Variants in RASAL2 observed in about 807,000 individuals in gnomAD.
RASAL2 encodes the protein ras GTPase-activating protein nGAP.
A neutral mutation model predicts 128.9 loss-of-function variants in RASAL2; 58 were observed. The ratio of observed to expected loss-of-function variants is 0.45; its 90% CI spans 0.36 to 0.56. The LOEUF (loss-of-function observed/expected upper bound fraction) is 0.56, where lower values mean the gene tolerates loss of function less well. Ranked by LOEUF, RASAL2 falls within the 20% of genes least tolerant of loss-of-function variation. The pLI is 0.00. For missense variants in RASAL2, 1,360 were observed against 1,601.6 expected, an observed-to-expected ratio of 0.85 and a Z score of 2.57; for synonymous variants, 561 against 580.8, an observed-to-expected ratio of 0.97 and a Z score of 0.49.
chr1:178,325,402 G>A (rs143114924), intron 3 of RASAL2, among the ~76,000 whole-genome samples: 5 of 152,094 alleles, frequency 3.3e-5, no homozygotes, highest in Admixed American at 6.5e-5. Flanking sequence ...TAGTGCCACC[G>A]AAGAGTCAAA....
At chr1:178,119,392 T>C (rs1327397135) in intron 1 of RASAL2, among the ~76,000 whole-genome samples, 1 of 152,210 alleles carries the variant, frequency 6.6e-6, no homozygotes, top group African/African-American at 2.4e-5. Context: ...GGGCATGTAC[T>C]TTAACGTGGT....
intron 1 of RASAL2, among the ~76,000 whole-genome samples, chr1:178,184,747 C>T (rs1017996053): frequency 6.6e-6 from 1 of 152,054 alleles, no homozygotes; most frequent in Non-Finnish European, 1.5e-5. Flanking sequence ...AGATCTGCTA[C>T]AGTGTGATCC....
At chr1:178,194,351 C>T (rs958215849) in intron 1 of RASAL2, 11 of 225,610 alleles carry the variant, frequency 4.9e-5, no homozygotes, top group African/African-American at 2.5e-4. Context: ...CTTAAACTCT[C>T]TCTCCCCATA....
At chr1:178,162,476 AT>A (rs1259704562) in intron 1 of RASAL2, among the ~76,000 whole-genome samples, 5 of 122,988 alleles carry the variant, frequency 4.1e-5, no homozygotes, top group Non-Finnish European at 8.1e-5. Context: ...TTATATATTT[AT>A]ATTTTATATA....
chr1:178,473,436 A>C lies in RASAL2; in HGVS notation c.*197A>C. The C allele has an allele frequency of 3.2e-6, 2 of 629,868 alleles. No individual in the cohort carries two copies. Among genetic ancestry groups the C allele is most frequent in the Non-Finnish European group, 2.7e-6 (1 of 365,812 alleles). 39.0% of individuals were successfully genotyped at this position (629,868 alleles called of 1,614,324 possible). A position where few individuals can be genotyped will look rare whatever the true frequency, so the allele number is the denominator to read the frequency against. On this transcript the variant is annotated 3_prime_UTR_variant, in exon 18 of 18. Coordinates refer to ENST00000367649, the MANE Select transcript of RASAL2 (RefSeq NM_170692.4). Reference sequence around the variant, plus strand: ...TCCAAGGTCAATGCTTTTCCCCCACATCTCTATGTACATAGGGAACTTAGT... The same window carrying C: ...TCCAAGGTCAATGCTTTTCCCCCACCTCTCTATGTACATAGGGAACTTAGT...
At chr1:178,387,768 C>T (rs1672669845) in intron 3 of RASAL2, among the ~76,000 whole-genome samples, 1 of 152,088 alleles carries the variant, frequency 6.6e-6, no homozygotes. Context: ...TTAATCCAGT[C>T]TATCATTGTT....
intron 1 of RASAL2, among the ~76,000 whole-genome samples, chr1:178,207,360 A>G (rs1164831019): frequency 1.3e-5 from 2 of 152,204 alleles, no homozygotes; most frequent in Non-Finnish European, 2.9e-5. Context: ...TAGAAAAAGT[A>G]ATAATAACAA....
intron 1 of RASAL2, among the ~76,000 whole-genome samples, chr1:178,102,265 A>G (rs1658927745): frequency 6.6e-6 from 1 of 152,204 alleles, no homozygotes; most frequent in African/African-American, 2.4e-5. Context: ...ATTTTAGGAA[A>G]AGCCAAAATT....
intron 1 of RASAL2, among the ~76,000 whole-genome samples, chr1:178,197,611 GA>G (rs57628750): frequency 0.17 from 16,349 of 94,306 alleles, 1,164 homozygotes; most frequent in African/African-American, 0.28. Flanking sequence ...TCCATCTGGG[GA>G]AAAAAAAAAA....
At chr1:178,194,258 A>G (rs1662586247) in intron 1 of RASAL2, 1 of 200,060 alleles carries the variant, frequency 5.0e-6, no homozygotes, top group South Asian at 1.1e-4. Context: ...AAATGCAGCT[A>G]TTATAAGTCA....
At chr1:178,194,951 A>G (rs1021176095) in intron 1 of RASAL2, among the ~76,000 whole-genome samples, 5 of 152,358 alleles carry the variant, frequency 3.3e-5, no homozygotes, top group South Asian at 4.1e-4. Context: ...CCAGTAAGAG[A>G]TGTTATCTTG....
At chr1:178,445,690 T>G in intron 9 of RASAL2, 28 bp downstream of exon 9, 1 of 1,577,784 alleles carries the variant, frequency 6.3e-7, no homozygotes, top group Non-Finnish European at 8.6e-7. Flanking sequence ...ATCTATTTTC[T>G]TTTATTTACT....
intron 5 of RASAL2, among the ~76,000 whole-genome samples, chr1:178,425,697 A>G (rs1226969964): frequency 3.3e-5 from 5 of 152,114 alleles, no homozygotes; most frequent in Non-Finnish European, 1.5e-5. Context: ...CAACCATAAC[A>G]TATTTGTTTT....
At position 178,142,946 on chromosome 1, in the gene RASAL2, G is replaced by A. The variant is rs1179268583; in HGVS notation, c.202+48252G>A. The stretch of plus-strand genomic sequence containing the variant: ...AAAATCTAGTGCCAGTCTTCTCCTG[G>A]GTAATGGCCTGTTCTTTGTTCTCCT... On this transcript the variant is annotated intron_variant, in intron 1 of 17. Transcript: ENST00000367649. 2.0e-5 allele frequency among the ~76,000 whole-genome samples: 3 copies of A among 151,854 alleles called. No individual in the cohort carries two copies. In the East Asian group the frequency reaches 5.8e-4, roughly 29 times the overall value.
At chr1:178,106,561 C>T (rs1211667848) in intron 1 of RASAL2, among the ~76,000 whole-genome samples, 2 of 152,150 alleles carry the variant, frequency 1.3e-5, no homozygotes, top group Non-Finnish European at 2.9e-5. Flanking sequence ...GTTGTAATGT[C>T]TAAAACAATG....
intron 1 of RASAL2, among the ~76,000 whole-genome samples, chr1:178,152,452 G>C (rs543076273): frequency 6.6e-6 from 1 of 152,302 alleles, no homozygotes; most frequent in South Asian, 2.1e-4. Flanking sequence ...GGAGACCCCT[G>C]ATTTATAGCT....
chr1:178,436,302 T>TAC (rs753339156), intron 5 of RASAL2, among the ~76,000 whole-genome samples: 6 of 152,056 alleles, frequency 3.9e-5, no homozygotes, highest in South Asian at 2.1e-4. Context: ...TTCAATTCAG[T>TAC]ACACACACAC....
intron 1 of RASAL2, among the ~76,000 whole-genome samples, chr1:178,211,398 C>T (rs1195321903): frequency 2.0e-5 from 3 of 152,098 alleles, no homozygotes; most frequent in African/African-American, 7.2e-5. Flanking sequence ...TAAAAAAGCA[C>T]AAACATGATC....
rs1668551406 is a variant in RASAL2 at position 178,317,627 on chromosome 1, T to C, written c.457+17509T>C. Among the ~76,000 whole-genome samples the C allele has an allele frequency of 4.7e-5, 7 of 149,602 alleles. No homozygotes were observed. In the South Asian group the frequency reaches 1.5e-3, roughly 32 times the overall value. ...GATGGTAGTTTGTATTTCTGTGGGA[T>C]CGGTGGTGATATCCCCTTTATCATT... On this transcript the variant is annotated intron_variant, in intron 3 of 17. Coordinates refer to ENST00000367649, the MANE Select transcript of RASAL2 (RefSeq NM_170692.4).
Sources: gnomAD v4.1 joint callset for allele counts (sites outside exome capture counted in the v4.1 genomes callset) on GRCh38, gnomAD v4.1.1 for gene constraint, MANE v1.5 for transcripts, NCBI Gene and HGNC (gene_info 2026-07-23, HGNC 2026-07-21) for gene names.